MIF4GD: variants seen among roughly 807,000 people sequenced by gnomAD.
MIF4GD encodes the protein MIF4G domain containing.
MIF4GD carries 22 observed loss-of-function variants against 26.7 expected under a neutral mutation model. That is an observed-to-expected ratio of 0.82 (90% confidence interval 0.59 to 1.18). The LOEUF (loss-of-function observed/expected upper bound fraction) is 1.18, where lower values mean the gene tolerates loss of function less well. Ranked by LOEUF, MIF4GD falls within the 50% of genes most tolerant of loss-of-function variation. MIF4GD has a pLI of 0.00. For missense variants in MIF4GD, 262 were observed against 279.6 expected (o/e 0.94, Z 0.45); for synonymous variants, 137 against 111.6 (o/e 1.23, Z -1.43).
In MIF4GD at chr17:75,268,090, ATGG is replaced by A; in HGVS notation, c.182_184del (p.Ala61_Ile62delinsVal). On this transcript the variant is annotated inframe_deletion, in exon 3 of 6. Transcript: ENST00000325102. ...CCTCTCCCAACCCCCAACCTGAATG[ATGG>A]CGTAGCACATGCGTCCTGCTTCCTT... 6.2e-7 allele frequency: 1 copy of A among 1,614,134 alleles called. No individual in the cohort carries two copies. The highest frequency in any genetic ancestry group is 1.3e-5 in the African/African-American group (1 of 75,050).
chr17:75,267,866 T>C lies in MIF4GD; in HGVS notation c.228A>G (p.Arg76=). The change falls in exon 4 of 6, where the codon CGA becomes CGG. Residue 76 remains arginine, a synonymous_variant. Coordinates refer to ENST00000325102, the MANE Select transcript of MIF4GD (RefSeq NM_001370592.1). The part of the protein sequence containing the change: ...ESKQAGQSVF[R]RGLLNRLQQE... ...GCTGCAGCCGGTTGAGGAGTCCACGTCGGAAGACACTCTGGCCTGCTTGTT... is the reference window on the plus strand; with the variant it reads ...GCTGCAGCCGGTTGAGGAGTCCACGCCGGAAGACACTCTGGCCTGCTTGTT... 1 of 1,613,708 alleles carries C rather than the reference T, an allele frequency of 6.2e-7. No individual in the cohort carries two copies. Among genetic ancestry groups the C allele is most frequent in the Non-Finnish European group, 8.5e-7 (1 of 1,179,930 alleles).
Position 75,270,138 on chromosome 17 carries a change from G to A in MIF4GD, c.58C>T (p.Gln20Ter). ...CCTTTGAGTGCTGTCTTCAGCAGCT[G>A]CTGGGTCTCTGCATCAAAGGACTGG... Reference protein sequence around the residue: ...KIQSFDAETQQLLKTALKDPG... With the variant: ...KIQSFDAETQ The change falls in exon 2 of 6, where the codon CAG (glutamine) becomes TAG (stop). Residue 20 changes from glutamine to a stop codon, truncating the protein, a stop_gained. Transcript: ENST00000325102. LOFTEE classifies it high-confidence loss of function. This position sits in a 1 kb window ranked among gnomAD's most constrained non-coding sequence, Gnocchi z 5.7. 6.2e-7 allele frequency: 1 copy of A among 1,614,058 alleles called. No individual in the cohort carries two copies. Among genetic ancestry groups the A allele is most frequent in the East Asian group, 2.2e-5 (1 of 44,882 alleles).
chr17:75,267,577 G>C lies in MIF4GD; in HGVS notation c.402C>G (p.Phe134Leu), dbSNP rs1293099692. Residue 134 changes from phenylalanine to leucine, a missense_variant, in exon 5 of 6, where the codon TTC becomes TTG. Coordinates refer to ENST00000325102, the MANE Select transcript of MIF4GD (RefSeq NM_001370592.1). Reference protein sequence around the residue: ...ALVNPVYDCLFRLAQPDSLSK... With the variant: ...ALVNPVYDCLLRLAQPDSLSK... ...TCAAACTGTCTGGCTGGGCCAGCCG[G>C]AAGAGGCAGTCATAGACAGGGTTCA... is the stretch of plus-strand genomic sequence containing the variant. The C allele has an allele frequency of 6.2e-7, 1 of 1,614,104 alleles. No individual in the cohort carries two copies. The highest frequency in any genetic ancestry group is 8.5e-7 in the Non-Finnish European group (1 of 1,180,054).
Position 75,270,337 on chromosome 17 carries a change from G to A in MIF4GD, c.-50-92C>T, listed in dbSNP as rs573561884. 1.9e-5 allele frequency: 13 copies of A among 701,640 alleles called. No homozygotes were observed. Among genetic ancestry groups the A allele is most frequent in the African/African-American group, 3.5e-5 (2 of 56,502 alleles). 43.5% of individuals were successfully genotyped at this position (701,640 alleles called of 1,614,324 possible). Reference sequence around the variant, plus strand: ...CCTGGACGGGGCTGACGGCGCGCTCGGGACAGGGACTCCTGGGCGGTCCGT... The same window carrying A: ...CCTGGACGGGGCTGACGGCGCGCTCAGGACAGGGACTCCTGGGCGGTCCGT... On this transcript the variant is annotated intron_variant, in intron 1 of 5. Coordinates refer to ENST00000325102, the MANE Select transcript of MIF4GD (RefSeq NM_001370592.1). This position sits in a 1 kb window ranked among gnomAD's most constrained non-coding sequence, Gnocchi z 5.7.
chr17:75,269,627 A>G (rs1285316113), intron 2 of MIF4GD, among the ~76,000 whole-genome samples: 3 of 136,308 alleles, frequency 2.2e-5, no homozygotes, highest in African/African-American at 8.5e-5. Context: ...TGGCAGGATC[A>G]TGGCTCATGG....
chr17:75,270,971 G>C lies in MIF4GD; in HGVS notation c.-51+173C>G, dbSNP rs2077714419. On this transcript the variant is annotated intron_variant, in intron 1 of 5. Coordinates refer to ENST00000325102, the MANE Select transcript of MIF4GD (RefSeq NM_001370592.1). This position sits in a 1 kb window ranked among gnomAD's most constrained non-coding sequence, Gnocchi z 5.7. Reference sequence around the variant, plus strand: ...GGGGCAGGATGATGCGCCCCGGAGAGGTGGCTCCCGCCGGAGGCTCCCCTC... The same window carrying C: ...GGGGCAGGATGATGCGCCCCGGAGACGTGGCTCCCGCCGGAGGCTCCCCTC... The C allele has an allele frequency of 1.3e-5, 2 of 152,218 alleles. No individual in the cohort carries two copies. Among genetic ancestry groups the C allele is most frequent in the South Asian group, 4.1e-4 (2 of 4,838 alleles). 9.4% of individuals were successfully genotyped at this position (152,218 alleles called of 1,614,324 possible).
At position 75,269,240 on chromosome 17, in the gene MIF4GD, T is replaced by G. The variant is rs962673209; in HGVS notation, c.82+874A>C. ...GCAATTTCACAAGAAAAAGTGTTCT[T>G]ATACTACACACATGCAAACCCCCAA... On this transcript the variant is annotated intron_variant, in intron 2 of 5. Transcript: ENST00000325102. 2.3e-5 allele frequency: 29 copies of G among 1,285,086 alleles called. No homozygotes were observed. The East Asian group carries it at 6.7e-4, about 30-fold the overall frequency. 79.6% of individuals were successfully genotyped at this position (1,285,086 alleles called of 1,614,324 possible).
In MIF4GD at chr17:75,266,680, C is replaced by A; in HGVS notation, c.*60G>T. 1 of 1,519,148 alleles carries A rather than the reference C, an allele frequency of 6.6e-7. No individual in the cohort carries two copies. Among genetic ancestry groups the A allele is most frequent in the Non-Finnish European group, 9.1e-7 (1 of 1,094,402 alleles). 94.1% of individuals were successfully genotyped at this position (1,519,148 alleles called of 1,614,324 possible). ...TTGGGTGAGGCAGAGACTCCACTGC[C>A]AGCTTTAGAGGTGGGTAGAAGAAAG... On this transcript the variant is annotated 3_prime_UTR_variant, in exon 6 of 6. Coordinates refer to ENST00000325102, the MANE Select transcript of MIF4GD (RefSeq NM_001370592.1).
At position 75,268,130 on chromosome 17, in the gene MIF4GD, AG is replaced by A. The variant is rs766443930; in HGVS notation, c.144del (p.Cys49ValfsTer67). The part of the protein sequence containing the change: ...ANVIVDHSLQ[D>X]CVFSKEAGRM... ...CGTCCTGCTTCCTTGCTGAACACAC[AG>A]TCCTGCAGAGAATGGTCCACAATCA... On this transcript the variant is annotated frameshift_variant, in exon 3 of 6. Transcript: ENST00000325102. LOFTEE classifies it high-confidence loss of function. 181 of 1,614,130 alleles carry A rather than the reference AG, an allele frequency of 1.1e-4. No homozygotes were observed. The highest frequency in any genetic ancestry group is 1.6e-4 in the Middle Eastern group (1 of 6,084).
rs766878509 is a variant in MIF4GD, at chr17:75,266,981, T to C, written c.442-14A>G. 1 of 1,609,204 alleles carries C rather than the reference T, an allele frequency of 6.2e-7. No individual in the cohort carries two copies. The highest frequency in any genetic ancestry group is 8.5e-7 in the Non-Finnish European group (1 of 1,177,636). ...CAAACAGTCCACCTGCAGGCGACAG[T>C]GTGGGTAACACAAGTGAACTGGGGC... is the stretch of plus-strand genomic sequence containing the variant. On this transcript the variant is annotated splice_polypyrimidine_tract_variant and intron_variant, in intron 5 of 5. Coordinates refer to ENST00000325102, the MANE Select transcript of MIF4GD (RefSeq NM_001370592.1).
intron 2 of MIF4GD, among the ~76,000 whole-genome samples, chr17:75,268,886 C>A (rs1393223406): frequency 1.3e-5 from 2 of 151,522 alleles, no homozygotes; most frequent in African/African-American, 4.9e-5. Flanking sequence ...CCCCTGTAAC[C>A]CCAGCTACTT....
Position 75,270,788 on chromosome 17 carries a change from C to T in MIF4GD, c.-51+356G>A, listed in dbSNP as rs2077706995. ...GTGGGTGGGGACGCAGGCGCCCTGTCCGCCGCCCCTGCCGGGAGCAGCCTG... is the reference window on the plus strand; with the variant it reads ...GTGGGTGGGGACGCAGGCGCCCTGTTCGCCGCCCCTGCCGGGAGCAGCCTG... On this transcript the variant is annotated intron_variant, in intron 1 of 5. Coordinates refer to ENST00000325102, the MANE Select transcript of MIF4GD (RefSeq NM_001370592.1). The surrounding 1 kb of genome is among the most constrained non-coding windows in gnomAD (Gnocchi z 5.7). Among the ~76,000 whole-genome samples, 1 of 152,170 alleles carries T rather than the reference C, an allele frequency of 6.6e-6. No individual in the cohort carries two copies. The highest frequency in any genetic ancestry group is 1.5e-5 in the Non-Finnish European group (1 of 68,018).
intron 2 of MIF4GD, among the ~76,000 whole-genome samples, chr17:75,268,418 C>A (rs1044852564): frequency 1.3e-5 from 2 of 152,130 alleles, no homozygotes; most frequent in Non-Finnish European, 2.9e-5. Context: ...AATCCCAACG[C>A]TTTGGGAGAC....
intron 2 of MIF4GD, among the ~76,000 whole-genome samples, chr17:75,268,698 AAAAG>A (rs1309163682): frequency 6.7e-6 from 1 of 150,116 alleles, no homozygotes; most frequent in East Asian, 2.0e-4. Flanking sequence ...AGAAAAAAAT[AAAAG>A]AAATCATACA....
intron 2 of MIF4GD, chr17:75,269,547 A>AATT: frequency 2.6e-6 from 2 of 766,068 alleles, no homozygotes; most frequent in Non-Finnish European, 3.6e-6. Context: ...TTATGGTTAA[A>AATT]CTTTTTTTTT....
At chr17:75,267,338 G>A in intron 5 of MIF4GD, 200 bp downstream of exon 5, 1 of 614,164 alleles carries the variant, frequency 1.6e-6, no homozygotes. Context: ...TGAGCCAGTA[G>A]GTTTTGGCTG....
intron 5 of MIF4GD, 124 bp from the exon 6 acceptor site, chr17:75,267,091 T>C: frequency 1.3e-6 from 1 of 774,714 alleles, no homozygotes; most frequent in Non-Finnish European, 2.1e-6. Flanking sequence ...CTCCTTACCA[T>C]CCAGTGGGTA....
At chr17:75,267,369 A>C in intron 5 of MIF4GD, 169 bp downstream of exon 5, 1 of 665,412 alleles carries the variant, frequency 1.5e-6, no homozygotes, top group Non-Finnish European at 2.6e-6. Context: ...GATAAACTCC[A>C]GACCTGGCAG....
At chr17:75,269,908 C>G (rs995015142) in intron 2 of MIF4GD, among the ~76,000 whole-genome samples, 1 of 152,020 alleles carries the variant, frequency 6.6e-6, no homozygotes. Flanking sequence ...ACAGTCTTTA[C>G]AGTCTGAGAG....
Sources: gnomAD v4.1 joint callset for allele counts (sites outside exome capture counted in the v4.1 genomes callset) on GRCh38, gnomAD v4.1.1 for gene constraint, Gnocchi (gnomAD v3.1) non-coding constraint, MANE v1.5 for transcripts, NCBI Gene and HGNC (gene_info 2026-07-23, HGNC 2026-07-21) for gene names.